Variants in CYP7B1 observed in about 807,000 individuals in gnomAD.
CYP7B1 encodes cytochrome P450 family 7 subfamily B member 1.
CYP7B1 carries 29 observed loss-of-function variants against 42.7 expected under a neutral mutation model. The ratio of observed to expected loss-of-function variants is 0.68; its 90% CI spans 0.51 to 0.93. CYP7B1 has a LOEUF of 0.93. Ranked by LOEUF, CYP7B1 falls within the 40% of genes least tolerant of loss-of-function variation. The pLI is 0.00. For synonymous variants in CYP7B1, 235 were observed against 218.2 expected, an observed-to-expected ratio of 1.08 and a Z score of -0.68; for missense variants, 655 against 600.5, an observed-to-expected ratio of 1.09 and a Z score of -0.95.
intron 1 of CYP7B1, among the ~76,000 whole-genome samples, chr8:64,658,671 A>G (rs1413462565): frequency 6.6e-6 from 1 of 152,066 alleles, no homozygotes; most frequent in East Asian, 1.9e-4. Flanking sequence ...TTTCATTACA[A>G]CCACTTTCCT....
chr8:64,761,121 G>T (rs1008959628), intron 1 of CYP7B1, among the ~76,000 whole-genome samples: 4 of 152,060 alleles, frequency 2.6e-5, no homozygotes, highest in African/African-American at 9.7e-5. Context: ...TCACTTACAC[G>T]TGGAATCTAA....
chr8:64,666,498 G>C (rs542179613), intron 1 of CYP7B1, among the ~76,000 whole-genome samples: 1 of 152,296 alleles, frequency 6.6e-6, no homozygotes, highest in Non-Finnish European at 1.5e-5. Context: ...CAGAGCAGTT[G>C]GCATTTGGGT....
At chr8:64,794,200 G>A (rs141117757) in intron 1 of CYP7B1, among the ~76,000 whole-genome samples, 1 of 152,124 alleles carries the variant, frequency 6.6e-6, no homozygotes, top group Non-Finnish European at 1.5e-5. Context: ...ATCTAGAAAA[G>A]AAGGAGGCAC....
chr8:64,697,863 C>T (rs1806853361), intron 1 of CYP7B1, among the ~76,000 whole-genome samples: 1 of 152,158 alleles, frequency 6.6e-6, no homozygotes, highest in African/African-American at 2.4e-5. Context: ...ACCAAACAAA[C>T]CAAAAACAAA....
At chr8:64,606,290 T>A (rs573037783) in intron 4 of CYP7B1, among the ~76,000 whole-genome samples, 43 of 152,334 alleles carry the variant, frequency 2.8e-4, no homozygotes, top group African/African-American at 1.0e-3. Context: ...CCTGACACGA[T>A]GGATTTCAGC....
intron 1 of CYP7B1, among the ~76,000 whole-genome samples, chr8:64,682,705 C>T (rs1585852394): frequency 6.6e-6 from 1 of 152,184 alleles, no homozygotes; most frequent in African/African-American, 2.4e-5. Context: ...TGCTCTAGAG[C>T]GTGCTGTCCA....
chr8:64,659,436 C>A (rs1039359703), intron 1 of CYP7B1, among the ~76,000 whole-genome samples: 1 of 152,068 alleles, frequency 6.6e-6, no homozygotes, highest in African/African-American at 2.4e-5. Context: ...AAATAGAATT[C>A]TTGCAGTGAT....
intron 1 of CYP7B1, among the ~76,000 whole-genome samples, chr8:64,691,486 G>GGGT (rs1554532290): frequency 3.3e-5 from 5 of 149,582 alleles, no homozygotes; most frequent in African/African-American, 9.9e-5. Context: ...GGCAACTGGG[G>GGGT]GGGGGGGGTG....
chr8:64,657,094 C>T (rs1395394169), intron 1 of CYP7B1, among the ~76,000 whole-genome samples: 1 of 151,294 alleles, frequency 6.6e-6, no homozygotes, highest in Non-Finnish European at 1.5e-5. Flanking sequence ...AAAGCAAAGA[C>T]AAAATAGTGT....
chr8:64,685,110 A>G (rs571764377), intron 1 of CYP7B1, among the ~76,000 whole-genome samples: 60 of 152,302 alleles, frequency 3.9e-4, no homozygotes, highest in Admixed American at 7.2e-4. Context: ...CCATTCAAAA[A>G]CTTGCAAACA....
rs1355411222 is a variant in CYP7B1 at position 64,615,817 on chromosome 8, T to C, written c.724A>G (p.Arg242Gly). ...GAGAAGCATTTTATAATTTTCTCTCTAATAGACTTGACATTTCCTAGAAGC... is the reference window on the plus strand; with the variant it reads ...GAGAAGCATTTTATAATTTTCTCTCCAATAGACTTGACATTTCCTAGAAGC... ...IELLGNVKSI[R>G]EKIIKCFSSE... The change falls in exon 3 of 6, where the codon AGA becomes GGA. Residue 242 changes from arginine to glycine, a missense_variant. Transcript: ENST00000310193. The C allele has an allele frequency of 6.2e-7, 1 of 1,613,834 alleles. No homozygotes were observed. The highest frequency in any genetic ancestry group is 1.3e-5 in the African/African-American group (1 of 75,032).
intron 2 of CYP7B1, among the ~76,000 whole-genome samples, chr8:64,616,627 T>C (rs1441921530): frequency 6.6e-6 from 1 of 152,194 alleles, no homozygotes; most frequent in Non-Finnish European, 1.5e-5. Flanking sequence ...TATATTTCCC[T>C]CAATAAAGCA....
chr8:64,635,023 T>G (rs1805749719), intron 1 of CYP7B1, among the ~76,000 whole-genome samples: 1 of 152,192 alleles, frequency 6.6e-6, no homozygotes, highest in Non-Finnish European at 1.5e-5. Context: ...CCTGATGGTC[T>G]CTTCAAGGTT....
chr8:64,688,873 TTATGATTGTGCCACTGC>T (rs1806696759), intron 1 of CYP7B1, among the ~76,000 whole-genome samples: 2 of 152,158 alleles, frequency 1.3e-5, no homozygotes, highest in South Asian at 4.2e-4. Flanking sequence ...CTGCAATGAG[TTATGATTGTGCCACTGC>T]ACTCCAGCCT....
In CYP7B1 at chr8:64,749,552, T is replaced by C. The variant is rs570611180; in HGVS notation, c.122+48914A>G. 2.0e-3 allele frequency among the ~76,000 whole-genome samples: 309 copies of C among 152,282 alleles called. 2 individuals carry two copies. The highest frequency in any genetic ancestry group is 2.0e-3 in the Non-Finnish European group (133 of 68,018). On this transcript the variant is annotated intron_variant, in intron 1 of 5. Coordinates refer to ENST00000310193, the MANE Select transcript of CYP7B1 (RefSeq NM_004820.5). Reference sequence around the variant, plus strand: ...GATTTTAGAGCTATCTAAAAGTAGATTTGAAGACTTATTGAATCCTAAAGC... The same window carrying C: ...GATTTTAGAGCTATCTAAAAGTAGACTTGAAGACTTATTGAATCCTAAAGC...
intron 1 of CYP7B1, among the ~76,000 whole-genome samples, chr8:64,677,481 A>G (rs912442061): frequency 6.8e-6 from 1 of 147,570 alleles, no homozygotes; most frequent in Non-Finnish European, 1.5e-5. Context: ...CCTGGTGATT[A>G]TATTAGCTAA....
intron 1 of CYP7B1, among the ~76,000 whole-genome samples, chr8:64,645,329 T>A (rs1293264303): frequency 1.3e-5 from 2 of 152,174 alleles, no homozygotes; most frequent in East Asian, 3.9e-4. Flanking sequence ...TCCTGAGGAA[T>A]CACCACACTG....
intron 1 of CYP7B1, 26 bp downstream of exon 1, chr8:64,798,440 C>T: frequency 6.6e-7 from 1 of 1,505,320 alleles, no homozygotes; most frequent in Non-Finnish European, 8.8e-7. Flanking sequence ...AGGGCGCATG[C>T]GTGGCCTGGC....
chr8:64,631,785 G>A (rs564362821), intron 1 of CYP7B1, among the ~76,000 whole-genome samples: 2 of 152,220 alleles, frequency 1.3e-5, no homozygotes, highest in South Asian at 4.1e-4. Flanking sequence ...CTCTAAAGAA[G>A]ACATGTAAGT....
Sources: allele counts gnomAD v4.1 joint callset (sites outside exome capture counted in the v4.1 genomes callset), GRCh38; gene constraint gnomAD v4.1.1; transcripts MANE v1.5; gene names NCBI Gene and HGNC (gene_info 2026-07-23, HGNC 2026-07-21).